IKZF3: variants seen among roughly 807,000 people sequenced by gnomAD.
The protein encoded by IKZF3 is IKAROS family zinc finger 3, also known as zinc finger protein Aiolos.
A neutral mutation model predicts 49.0 loss-of-function variants in IKZF3; 10 were observed. The ratio of observed to expected loss-of-function variants is 0.20; its 90% CI spans 0.13 to 0.35. The LOEUF (loss-of-function observed/expected upper bound fraction) is 0.35, where lower values mean the gene tolerates loss of function less well. IKZF3 is among the 10% of genes least tolerant of loss of function. The probability of loss-of-function intolerance (pLI) is 1.00; values close to 1 mark genes in which losing one functional copy is unlikely to be tolerated. For synonymous variants in IKZF3, 209 were observed against 228.2 expected, an observed-to-expected ratio of 0.92 and a Z score of 0.76; for missense variants, 498 against 664.8, an observed-to-expected ratio of 0.75 and a Z score of 2.76.
At chr17:39,829,822 C>A (rs192665233) in intron 2 of IKZF3, among the ~76,000 whole-genome samples, 5,477 of 152,230 alleles carry the variant, frequency 0.036, 160 homozygotes, top group South Asian at 0.14. Context: ...CATGGCGGTG[C>A]ATGCCTGTAA....
intron 1 of IKZF3, among the ~76,000 whole-genome samples, chr17:39,832,872 C>T (rs2062153250): frequency 6.6e-6 from 1 of 152,076 alleles, no homozygotes; most frequent in Admixed American, 6.5e-5. Flanking sequence ...GAAGAGAGGA[C>T]TTGAATTGTT....
intron 3 of IKZF3, among the ~76,000 whole-genome samples, chr17:39,808,080 G>A (rs2061473396): frequency 6.6e-6 from 1 of 152,104 alleles, no homozygotes; most frequent in South Asian, 2.1e-4. Context: ...AAATAAAATT[G>A]ATAGCTCTGA....
intron 3 of IKZF3, among the ~76,000 whole-genome samples, chr17:39,805,471 G>A (rs1238322934): frequency 6.6e-6 from 1 of 152,184 alleles, no homozygotes; most frequent in Admixed American, 6.5e-5. Flanking sequence ...TTAAGAATTA[G>A]AAGACTCTTG....
intron 4 of IKZF3, among the ~76,000 whole-genome samples, chr17:39,791,962 T>G (rs1182842561): frequency 6.7e-6 from 1 of 150,086 alleles, no homozygotes; most frequent in Non-Finnish European, 1.5e-5. Context: ...GGTCCCATCA[T>G]GGCTCACTGA....
At chr17:39,788,225 G>A in intron 6 of IKZF3, 33 bp downstream of exon 6, 2 of 1,302,218 alleles carry the variant, frequency 1.5e-6, no homozygotes, top group African/African-American at 1.5e-5. Flanking sequence ...TAGGACAGCA[G>A]ATGCTCACTA....
At chr17:39,779,296 A>T (rs1263711187) in intron 6 of IKZF3, among the ~76,000 whole-genome samples, 4 of 152,076 alleles carry the variant, frequency 2.6e-5, no homozygotes, top group African/African-American at 9.7e-5. Flanking sequence ...CCCCATCTCT[A>T]CTAAAAATAT....
At position 39,762,102 on chromosome 17, in the gene IKZF3, CCTACAAGGCT is replaced by C. The variant is rs2060197048; in HGVS notation, c.*3678_*3687del. 1 of 152,252 alleles carries C rather than the reference CCTACAAGGCT, an allele frequency of 6.6e-6. No homozygotes were observed. 9.4% of individuals were successfully genotyped at this position (152,252 alleles called of 1,614,324 possible). A position where few individuals can be genotyped will look rare whatever the true frequency, so the allele number is the denominator to read the frequency against. On this transcript the variant is annotated 3_prime_UTR_variant, in exon 8 of 8. Transcript: ENST00000346872. ...GCTGGTGGGAAATGAAGGAGAGGGG[CCTACAAGGCT>C]CTTGTTCAGAGGGAGTCTGCATGAG...
intron 3 of IKZF3, among the ~76,000 whole-genome samples, chr17:39,797,435 T>C (rs1019486033): frequency 6.6e-6 from 1 of 151,478 alleles, no homozygotes; most frequent in African/African-American, 2.4e-5. Context: ...CTTTTTTTTT[T>C]TTTTTGAGAC....
Position 39,765,755 on chromosome 17 carries a change from C to T in IKZF3, c.*35G>A. ...AGGTCATTGGTTTTTAGAAACGATG[C>T]TGAATACATAGGAGCAATCCCTGAG... On this transcript the variant is annotated 3_prime_UTR_variant, in exon 8 of 8. Transcript: ENST00000346872. 10 of 1,494,174 alleles carry T rather than the reference C, an allele frequency of 6.7e-6. No homozygotes were observed. Among genetic ancestry groups the T allele is most frequent in the Non-Finnish European group, 8.2e-6 (9 of 1,094,916 alleles). 92.6% of individuals were successfully genotyped at this position (1,494,174 alleles called of 1,614,324 possible).
rs190715552 is a variant in IKZF3, at chr17:39,828,265, G to A, written c.163+1122C>T. Among the ~76,000 whole-genome samples the A allele has an allele frequency of 2.0e-5, 3 of 152,292 alleles. No individual in the cohort carries two copies. The East Asian group carries it at 5.8e-4, about 29-fold the overall frequency. On this transcript the variant is annotated intron_variant, in intron 3 of 7. Transcript: ENST00000346872. The stretch of plus-strand genomic sequence containing the variant: ...ATTGGGGTTAACATTGAATGCAGAT[G>A]TATTGCCTAGTGGTAGAAATAGCCC...
intron 3 of IKZF3, among the ~76,000 whole-genome samples, chr17:39,822,627 G>T (rs1179501969): frequency 6.9e-6 from 1 of 144,052 alleles, no homozygotes; most frequent in East Asian, 2.0e-4. Flanking sequence ...CTGTTGCCCA[G>T]CCTGGAGTGC....
intron 1 of IKZF3, among the ~76,000 whole-genome samples, chr17:39,846,116 TA>T (rs2144451488): frequency 6.6e-6 from 1 of 152,300 alleles, no homozygotes; most frequent in African/African-American, 2.4e-5. Flanking sequence ...CACAACTAAA[TA>T]ACCAATCTCC....
rs914070576 is a variant in IKZF3 at position 39,763,496 on chromosome 17, A to G, written c.*2294T>C. 1.4e-5 allele frequency: 2 copies of G among 145,330 alleles called. No homozygotes were observed. The highest frequency in any genetic ancestry group is 1.4e-4 in the Admixed American group (2 of 14,528). The allele number at this position is 145,330 out of a possible 1,614,324, so 9.0% of individuals were successfully genotyped here. On this transcript the variant is annotated 3_prime_UTR_variant, in exon 8 of 8. Transcript: ENST00000346872. ...TCCCTAACATAATTTCTTAAAAAGT[A>G]AAAAAAAAAAGAAGGCTTTGGCAAA...
intron 3 of IKZF3, among the ~76,000 whole-genome samples, chr17:39,804,658 A>G (rs1345160710): frequency 6.6e-6 from 1 of 152,120 alleles, no homozygotes; most frequent in Non-Finnish European, 1.5e-5. Flanking sequence ...ATAGCCAGTC[A>G]TCTAGTTGAC....
chr17:39,847,824 A>G (rs1470365406), intron 1 of IKZF3, among the ~76,000 whole-genome samples: 1 of 152,252 alleles, frequency 6.6e-6, no homozygotes, highest in Non-Finnish European at 1.5e-5. Flanking sequence ...CCAAGGGCAC[A>G]AAGTCAGTGA....
chr17:39,824,027 G>A (rs531852668), intron 3 of IKZF3, among the ~76,000 whole-genome samples: 2 of 152,246 alleles, frequency 1.3e-5, no homozygotes, highest in African/African-American at 2.4e-5. Context: ...AGCTTGTGTC[G>A]TGCACCTGGA....
chr17:39,846,910 A>T (rs2062649255), intron 1 of IKZF3, among the ~76,000 whole-genome samples: 1 of 152,046 alleles, frequency 6.6e-6, no homozygotes, highest in Admixed American at 6.5e-5. Context: ...TCCTGTATTG[A>T]GTTTGCCAGC....
At chr17:39,823,144 G>A (rs1432109322) in intron 3 of IKZF3, among the ~76,000 whole-genome samples, 23 of 152,152 alleles carry the variant, frequency 1.5e-4, no homozygotes, top group Admixed American at 1.4e-3. Context: ...GAATGGTTTC[G>A]ACCAAAATGC....
intron 2 of IKZF3, 118 bp downstream of exon 2, chr17:39,831,980 A>G: frequency 1.4e-6 from 1 of 717,828 alleles, no homozygotes; most frequent in Non-Finnish European, 2.3e-6. Flanking sequence ...CATATTTAAA[A>G]AAAAACACAC....
Sources: allele counts gnomAD v4.1 joint callset (sites outside exome capture counted in the v4.1 genomes callset), GRCh38; gene constraint gnomAD v4.1.1; transcripts MANE v1.5; gene names NCBI Gene and HGNC (gene_info 2026-07-23, HGNC 2026-07-21).